DAPK1: variants seen among roughly 807,000 people sequenced by gnomAD.
The protein encoded by DAPK1 is death-associated protein kinase 1.
Under a neutral mutation model 144.9 loss-of-function variants are expected in DAPK1, and 56 were observed. The ratio of observed to expected loss-of-function variants is 0.39; its 90% CI spans 0.31 to 0.48. DAPK1 has a LOEUF of 0.48. Ranked by LOEUF, DAPK1 falls within the 20% of genes least tolerant of loss-of-function variation. DAPK1 has a pLI of 0.95. For missense variants in DAPK1, 1,454 were observed against 1,875.4 expected (o/e 0.78, Z 4.15); for synonymous variants, 690 against 749.0 (o/e 0.92, Z 1.29).
intron 7 of DAPK1, 116 bp downstream of exon 7, chr9:87,639,931 C>T: frequency 1.8e-6 from 2 of 1,130,668 alleles, no homozygotes; most frequent in Admixed American, 2.3e-5. Context: ...TTGATGCAAA[C>T]ATATTCATTT....
chr9:87,669,386 A>G (rs568806820), intron 19 of DAPK1, among the ~76,000 whole-genome samples: 3 of 152,210 alleles, frequency 2.0e-5, no homozygotes, highest in South Asian at 2.1e-4. Flanking sequence ...CAGATTGTAT[A>G]TAGGTAATAA....
intron 2 of DAPK1, among the ~76,000 whole-genome samples, chr9:87,558,821 A>AT (rs1339216234): frequency 6.6e-6 from 1 of 152,202 alleles, no homozygotes; most frequent in African/African-American, 2.4e-5. Flanking sequence ...TGCAGAAAGC[A>AT]TGATTCCCAT....
intron 2 of DAPK1, among the ~76,000 whole-genome samples, chr9:87,568,080 T>C (rs1827197082): frequency 1.3e-5 from 2 of 152,202 alleles, no homozygotes; most frequent in Admixed American, 6.5e-5. Context: ...TAGGGTGAGT[T>C]ACTGATGAAA....
chr9:87,548,340 G>A (rs2026742), intron 2 of DAPK1, among the ~76,000 whole-genome samples: 44,287 of 151,972 alleles, frequency 0.29, 6,767 homozygotes, highest in Middle Eastern at 0.42. Flanking sequence ...GCTATGTGAC[G>A]TGGAACACTG....
At chr9:87,499,365 A>G in intron 2 of DAPK1, 2 of 516,866 alleles carry the variant, frequency 3.9e-6, no homozygotes, top group Non-Finnish European at 7.0e-6. Context: ...GATGCACAGT[A>G]TATTGATCCA....
chr9:87,668,599 C>T lies in DAPK1; in HGVS notation c.1926C>T (p.Asp642=), dbSNP rs3750538. ...ACTAATGCATTTTTCTCCAACAGGA[C>T]GGAAAGACGGCAGAAGATCTTGCTA... ...MGASVEALTT[D]GKTAEDLARS... is the part of the protein sequence containing the mutation. Residue 642 remains aspartate, a splice_region_variant and synonymous_variant, in exon 19 of 26, where the codon GAC becomes GAT. Coordinates refer to ENST00000408954, the MANE Select transcript of DAPK1 (RefSeq NM_004938.4). 0.04 allele frequency: 55,572 copies of T among 1,383,064 alleles called. 1,492 individuals are homozygous for T. Among genetic ancestry groups the T allele is most frequent in the East Asian group, 0.13 (5,786 of 43,792 alleles). 85.7% of individuals were successfully genotyped at this position (1,383,064 alleles called of 1,614,324 possible).
chr9:87,560,516 T>C (rs534217628), intron 2 of DAPK1, among the ~76,000 whole-genome samples: 16 of 152,272 alleles, frequency 1.1e-4, no homozygotes, highest in African/African-American at 3.6e-4. Context: ...CCTTGGCAGA[T>C]ATGAGTCTAC....
chr9:87,644,000 A>C (rs1830185335), intron 11 of DAPK1, among the ~76,000 whole-genome samples: 1 of 152,124 alleles, frequency 6.6e-6, no homozygotes, highest in Non-Finnish European at 1.5e-5. Flanking sequence ...TGTGTCTCCT[A>C]GCAGACCAGA....
intron 2 of DAPK1, among the ~76,000 whole-genome samples, chr9:87,522,344 C>G (rs62562066): frequency 0.089 from 13,568 of 152,144 alleles, 892 homozygotes; most frequent in East Asian, 0.33. Context: ...TGAGATCATT[C>G]CATATATATT....
At chr9:87,654,243 C>G (rs951044853) in intron 17 of DAPK1, among the ~76,000 whole-genome samples, 1 of 152,116 alleles carries the variant, frequency 6.6e-6, no homozygotes, top group African/African-American at 2.4e-5. Context: ...ATTGCAGATT[C>G]CTGTGATTTT....
intron 2 of DAPK1, among the ~76,000 whole-genome samples, chr9:87,593,197 A>T (rs998901206): frequency 6.6e-6 from 1 of 152,190 alleles, no homozygotes; most frequent in Non-Finnish European, 1.5e-5. Flanking sequence ...TGGCCACCCA[A>T]CTGCACTAAA....
chr9:87,696,026 G>A (rs887410233), intron 21 of DAPK1, among the ~76,000 whole-genome samples: 3 of 152,132 alleles, frequency 2.0e-5, no homozygotes, highest in South Asian at 2.1e-4. Context: ...GCCTACAACC[G>A]TGTCATTATT....
Position 87,662,569 on chromosome 9 carries a change from T to TTTTTGTTG in DAPK1, c.1923+4446_1923+4447insGTTGTTTT, listed in dbSNP as rs1564056370. 1.4e-3 allele frequency among the ~76,000 whole-genome samples: 192 copies of TTTTTGTTG among 133,838 alleles called. 2 individuals are homozygous for TTTTTGTTG. Among genetic ancestry groups the TTTTTGTTG allele is most frequent in the South Asian group, 4.6e-3 (18 of 3,916 alleles). The allele number at this position is 133,838 out of a possible 152,430, so 87.8% of individuals were successfully genotyped here. A position where few individuals can be genotyped will look rare whatever the true frequency, so the allele number is the denominator to read the frequency against. On this transcript the variant is annotated intron_variant, in intron 18 of 25. Coordinates refer to ENST00000408954, the MANE Select transcript of DAPK1 (RefSeq NM_004938.4). ...GTTAAATATATTCCTAGTTTTTTTT[T>TTTTTGTTG]TTTTTTTTTTTTTTTTGGTAGCTAT... is the stretch of plus-strand genomic sequence containing the variant.
chr9:87,707,544 C>T lies in DAPK1; in HGVS notation c.*180C>T, dbSNP rs1342898890. 1.0e-5 allele frequency: 6 copies of T among 596,398 alleles called. No homozygotes were observed. The highest frequency in any genetic ancestry group is 1.8e-5 in the Non-Finnish European group (6 of 336,314). 36.9% of individuals were successfully genotyped at this position (596,398 alleles called of 1,614,324 possible). A position where few individuals can be genotyped will look rare whatever the true frequency, so the allele number is the denominator to read the frequency against. ...CGCTACCTCCCTCCCCGTCTCATTCCGTTGTCTGTGGATGGTCATTGCAGT... is the reference window on the plus strand; with the variant it reads ...CGCTACCTCCCTCCCCGTCTCATTCTGTTGTCTGTGGATGGTCATTGCAGT... On this transcript the variant is annotated 3_prime_UTR_variant, in exon 26 of 26. Coordinates refer to ENST00000408954, the MANE Select transcript of DAPK1 (RefSeq NM_004938.4). The surrounding 1 kb of genome is among the most constrained non-coding windows in gnomAD (Gnocchi z 4.0).
intron 19 of DAPK1, among the ~76,000 whole-genome samples, chr9:87,676,832 G>A (rs1488138691): frequency 6.6e-6 from 1 of 152,206 alleles, no homozygotes; most frequent in Admixed American, 6.5e-5. Context: ...GTGCTGTGGG[G>A]TTCACCTTCA....
chr9:87,515,502 G>T (rs779392924), intron 2 of DAPK1, among the ~76,000 whole-genome samples: 1 of 152,140 alleles, frequency 6.6e-6, no homozygotes, highest in Non-Finnish European at 1.5e-5. Flanking sequence ...TCTTTTGGAT[G>T]GGGATAGGCT....
intron 3 of DAPK1, among the ~76,000 whole-genome samples, chr9:87,627,237 G>A (rs910950783): frequency 3.9e-5 from 6 of 152,152 alleles, no homozygotes; most frequent in Non-Finnish European, 7.3e-5. Flanking sequence ...CTCTCATCAC[G>A]TCTGTGATCT....
chr9:87,626,441 AAAC>A (rs35079710), intron 3 of DAPK1, among the ~76,000 whole-genome samples: 73,738 of 151,394 alleles, frequency 0.49, 18,985 homozygotes, highest in East Asian at 0.77. Context: ...AACAAACAAA[AAAC>A]AACAACAACA....
At chr9:87,617,543 C>G (rs749585067) in intron 3 of DAPK1, among the ~76,000 whole-genome samples, 1 of 152,322 alleles carries the variant, frequency 6.6e-6, no homozygotes, top group East Asian at 1.9e-4. Context: ...CCTTGACTCT[C>G]ATTCCCCCTT....
Sources: gnomAD v4.1 joint callset for allele counts (sites outside exome capture counted in the v4.1 genomes callset) on GRCh38, gnomAD v4.1.1 for gene constraint, Gnocchi (gnomAD v3.1) non-coding constraint, MANE v1.5 for transcripts, NCBI Gene and HGNC (gene_info 2026-07-23, HGNC 2026-07-21) for gene names.